The following ATM variants were observed in gnomAD, a reference collection of about 807,000 sequenced individuals.
ATM encodes serine-protein kinase ATM.
ATM carries 308 observed loss-of-function variants against 387.0 expected under a neutral mutation model. The ratio of observed to expected loss-of-function variants is 0.80; its 90% CI spans 0.73 to 0.87. ATM has a LOEUF of 0.87. ATM is among the 40% of genes least tolerant of loss of function. The probability of loss-of-function intolerance (pLI) is 0.00; values close to 1 mark genes in which losing one functional copy is unlikely to be tolerated. For synonymous variants in ATM, 1,156 were observed against 1,187.3 expected (o/e 0.97, Z 0.54); for missense variants, 3,312 against 3,560.9 (o/e 0.93, Z 1.78).
chr11:108,302,847 T>C lies in ATM; in HGVS notation c.5320-6T>C. 6.2e-7 allele frequency: 1 copy of C among 1,606,964 alleles called. No individual in the cohort carries two copies. The highest frequency in any genetic ancestry group is 1.3e-5 in the African/African-American group (1 of 74,868). On this transcript the variant is annotated splice_polypyrimidine_tract_variant and splice_region_variant and intron_variant, in intron 35 of 62. Transcript: ENST00000675843. Reference sequence around the variant, plus strand: ...TATTTACATTTTCTAATCCCTTTCTTTCTAGTTTTTAGAAGTACCCAGATT... The same window carrying C: ...TATTTACATTTTCTAATCCCTTTCTCTCTAGTTTTTAGAAGTACCCAGATT...
At chr11:108,292,510 G>C (rs1348797938) in intron 29 of ATM, 109 bp from the exon 30 acceptor site, 2 of 1,273,442 alleles carry the variant, frequency 1.6e-6, no homozygotes, top group Non-Finnish European at 2.3e-6. Context: ...TTATGTCAAG[G>C]CATATAAGAA....
At chr11:108,267,899 A>G (rs1304801525) in intron 17 of ATM, among the ~76,000 whole-genome samples, 1 of 152,250 alleles carries the variant, frequency 6.6e-6, no homozygotes, top group Non-Finnish European at 1.5e-5. Context: ...TTTCCTCAAT[A>G]GAAAGCAGGA....
In ATM at chr11:108,293,892, AAAATATATATAT is replaced by A. The variant is rs1182554616; in HGVS notation, c.4776+417_4776+428del. ...GACCCTGTCTCAAAAAAAAAAAAAAAAAATATATATATATATATATATATATATGTGTGTGTA... is the reference window on the plus strand; with the variant it reads ...GACCCTGTCTCAAAAAAAAAAAAAAAATATATATATATATATGTGTGTGTA... On this transcript the variant is annotated intron_variant, in intron 31 of 62. Coordinates refer to ENST00000675843, the MANE Select transcript of ATM (RefSeq NM_000051.4). Among the ~76,000 whole-genome samples the A allele has an allele frequency of 6.0e-4, 65 of 108,944 alleles. No homozygotes were observed. In the East Asian group the frequency reaches 0.012, roughly 21 times the overall value. The allele number at this position is 108,944 out of a possible 152,430, so 71.5% of individuals were successfully genotyped here.
intron 3 of ATM, 135 bp from the exon 4 acceptor site, chr11:108,229,043 G>A: frequency 1.2e-6 from 1 of 824,938 alleles, no homozygotes; most frequent in Non-Finnish European, 1.9e-6. Flanking sequence ...TGTTTTATTT[G>A]TTTTTTTCAG....
chr11:108,352,190 A>G (rs2137234849), intron 59 of ATM, among the ~76,000 whole-genome samples: 1 of 152,380 alleles, frequency 6.6e-6, no homozygotes. Flanking sequence ...GCCAACACTG[A>G]GATGACAATG....
chr11:108,292,468 T>G, intron 29 of ATM, 151 bp from the exon 30 acceptor site: 1 of 923,186 alleles, frequency 1.1e-6, no homozygotes, highest in East Asian at 2.5e-5. Flanking sequence ...CTGATGTGAC[T>G]TCTCTTTTTG....
intron 29 of ATM, 99 bp downstream of exon 29, chr11:108,289,900 C>T: frequency 8.3e-7 from 1 of 1,200,162 alleles, no homozygotes; most frequent in Non-Finnish European, 1.2e-6. Flanking sequence ...AAGACTCACT[C>T]TGTCCGCCCA....
chr11:108,295,082 G>C (rs2135839127), intron 32 of ATM, 23 bp downstream of exon 32: 1 of 1,613,070 alleles, frequency 6.2e-7, no homozygotes, highest in Non-Finnish European at 8.5e-7. Flanking sequence ...AATGACATGG[G>C]CTATTTCTAC....
chr11:108,264,005 A>G (rs1193595674), intron 16 of ATM, among the ~76,000 whole-genome samples: 2 of 150,040 alleles, frequency 1.3e-5, no homozygotes, highest in East Asian at 1.9e-4. Context: ...TACCAACAAA[A>G]AAGAGTCCAG....
At chr11:108,297,696 T>C (rs964743356) in intron 33 of ATM, among the ~76,000 whole-genome samples, 1 of 152,132 alleles carries the variant, frequency 6.6e-6, no homozygotes, top group African/African-American at 2.4e-5. Context: ...CTTTATTATA[T>C]GAGTGGTTAT....
rs2081553201 is a variant in ATM, at chr11:108,271,141, A to T, written c.2916A>T (p.Pro972=). 1 of 1,614,006 alleles carries T rather than the reference A, an allele frequency of 6.2e-7. No individual in the cohort carries two copies. Among genetic ancestry groups the T allele is most frequent in the East Asian group, 2.2e-5 (1 of 44,870 alleles). ...PMEDVLELLK[P]LSNVCSLYRR... The stretch of plus-strand genomic sequence containing the variant: ...AAGATGTTCTTGAACTTCTGAAACC[A>T]CTATCGTAAGAAATTAAAACCTTAT... Residue 972 remains proline (P), a synonymous_variant, in exon 19 of 63, where the codon CCA becomes CCT. Transcript: ENST00000675843.
intron 9 of ATM, among the ~76,000 whole-genome samples, chr11:108,249,471 AAT>A (rs2080023386): frequency 6.6e-6 from 1 of 152,250 alleles, no homozygotes; most frequent in Admixed American, 6.5e-5. Context: ...AGTTAAAGAT[AAT>A]CTTAAGAAAT....
At chr11:108,248,267 T>A (rs2079952086) in intron 8 of ATM, among the ~76,000 whole-genome samples, 1 of 152,186 alleles carries the variant, frequency 6.6e-6, no homozygotes, top group Admixed American at 6.5e-5. Context: ...GAGTAGTAAT[T>A]TCACTCTGTC....
intron 59 of ATM, 50 bp downstream of exon 59, chr11:108,347,415 T>A (rs778673657): frequency 1.4e-6 from 2 of 1,410,776 alleles, no homozygotes; most frequent in South Asian, 2.3e-5. Flanking sequence ...TATTTGGTCA[T>A]CATGGAATGT....
intron 7 of ATM, among the ~76,000 whole-genome samples, chr11:108,245,559 T>G (rs1290951925): frequency 6.6e-6 from 1 of 152,162 alleles, no homozygotes; most frequent in African/African-American, 2.4e-5. Context: ...AGAGTATCAC[T>G]TGTTAAGGAG....
intron 16 of ATM, among the ~76,000 whole-genome samples, chr11:108,266,789 ATTTTTT>A (rs893198517): frequency 7.5e-6 from 1 of 132,580 alleles, no homozygotes; most frequent in African/African-American, 2.9e-5. Context: ...GATTAGGTAA[ATTTTTT>A]TTTTTTTTTT....
intron 43 of ATM, 127 bp downstream of exon 43, chr11:108,317,648 T>TACACACACACACACAC (rs1453200885): frequency 7.5e-6 from 1 of 132,978 alleles, no homozygotes; most frequent in African/African-American, 4.2e-5. Context: ...TATATATATA[T>TACACACACACACACAC]ATATACACAC....
chr11:108,260,623 T>C (rs1269111274), intron 16 of ATM, among the ~76,000 whole-genome samples: 1 of 152,142 alleles, frequency 6.6e-6, no homozygotes, highest in Non-Finnish European at 1.5e-5. Context: ...TAAGAAATAA[T>C]TTTGAGGGAG....
chr11:108,354,228 G>A (rs1478505289), intron 60 of ATM, among the ~76,000 whole-genome samples: 1 of 152,004 alleles, frequency 6.6e-6, no homozygotes, highest in East Asian at 1.9e-4. Flanking sequence ...CCACCCACCT[G>A]GGACCTAAGC....
Sources: gnomAD v4.1 joint callset for allele counts (sites outside exome capture counted in the v4.1 genomes callset) on GRCh38, gnomAD v4.1.1 for gene constraint, MANE v1.5 for transcripts, NCBI Gene and HGNC (gene_info 2026-07-23, HGNC 2026-07-21) for gene names.